The following PDE8A variants were observed in gnomAD, a reference collection of about 807,000 sequenced individuals.
The protein encoded by PDE8A is phosphodiesterase 8A.
In PDE8A, 59 loss-of-function variants were observed where a neutral mutation model predicts 105.0. The observed-to-expected ratio is 0.56, with a 90% CI of 0.46 to 0.70. The LOEUF (loss-of-function observed/expected upper bound fraction) is 0.70. Among genes scored for constraint, PDE8A ranks in the 30% least tolerant of loss-of-function variants. PDE8A has a pLI of 0.00. For synonymous variants in PDE8A, 355 were observed against 371.9 expected, an observed-to-expected ratio of 0.95 and a Z score of 0.52; for missense variants, 1,014 against 1,045.9, an observed-to-expected ratio of 0.97 and a Z score of 0.42.
chr15:85,096,450 C>G (rs767546139), intron 8 of PDE8A, among the ~76,000 whole-genome samples: 1 of 152,076 alleles, frequency 6.6e-6, no homozygotes, highest in Non-Finnish European at 1.5e-5. Context: ...ATGGCGAGAA[C>G]CTGTCTCAAA....
chr15:84,994,964 A>G (rs2142162080), intron 1 of PDE8A, among the ~76,000 whole-genome samples: 1 of 147,932 alleles, frequency 6.8e-6, no homozygotes, highest in East Asian at 2.0e-4. Flanking sequence ...CTCTGTCTCA[A>G]AAAAAAAAAA....
At chr15:85,072,572 A>T (rs1026910352) in intron 3 of PDE8A, among the ~76,000 whole-genome samples, 1 of 152,192 alleles carries the variant, frequency 6.6e-6, no homozygotes, top group Non-Finnish European at 1.5e-5. Context: ...GAATGTGGAC[A>T]TTATGGCTAG....
intron 7 of PDE8A, 51 bp downstream of exon 7, chr15:85,089,467 C>A (rs1415148041): frequency 6.3e-6 from 7 of 1,110,888 alleles, no homozygotes; most frequent in Non-Finnish European, 9.4e-6. Flanking sequence ...TTGCTTTTTC[C>A]AACTTTTAGG....
intron 1 of PDE8A, among the ~76,000 whole-genome samples, chr15:84,993,581 T>A (rs1204296256): frequency 6.7e-6 from 1 of 149,908 alleles, no homozygotes; most frequent in Non-Finnish European, 1.5e-5. Flanking sequence ...ATAACTATAA[T>A]TAAAAACTTT....
rs1174897709 is a variant in PDE8A, at chr15:85,113,939, G to GTGC, written c.1255_1257dup (p.Leu419dup). 2 of 1,613,514 alleles carry GTGC rather than the reference G, an allele frequency of 1.2e-6. No individual in the cohort carries two copies. Among genetic ancestry groups the GTGC allele is most frequent in the Non-Finnish European group, 1.7e-6 (2 of 1,179,504 alleles). Reference sequence around the variant, plus strand: ...GCCTGTGACAGAAGCCCTAGACCGTGTGCTGGAAATTCTAAGAACCACTGA... The same window carrying GTGC: ...GCCTGTGACAGAAGCCCTAGACCGTGTGCTGCTGGAAATTCTAAGAACCACTGA... On this transcript the variant is annotated inframe_insertion, in exon 14 of 22. Coordinates refer to ENST00000394553, the MANE Select transcript of PDE8A (RefSeq NM_002605.3).
At chr15:85,016,053 T>G (rs2080319966) in intron 1 of PDE8A, among the ~76,000 whole-genome samples, 1 of 152,182 alleles carries the variant, frequency 6.6e-6, no homozygotes, top group African/African-American at 2.4e-5. Flanking sequence ...TAACAATCAC[T>G]TGAACCCGGG....
intron 11 of PDE8A, 63 bp downstream of exon 11, chr15:85,100,261 G>T: frequency 7.2e-7 from 1 of 1,392,780 alleles, no homozygotes. Flanking sequence ...AATAAAAACA[G>T]ATCTTTAACT....
intron 20 of PDE8A, among the ~76,000 whole-genome samples, chr15:85,129,563 C>A (rs1170625583): frequency 6.6e-6 from 1 of 152,084 alleles, no homozygotes; most frequent in Non-Finnish European, 1.5e-5. Flanking sequence ...GAGTAATGTT[C>A]CCACTTTCAT....
chr15:85,085,129 C>T (rs1400468147), intron 6 of PDE8A, among the ~76,000 whole-genome samples: 4 of 152,150 alleles, frequency 2.6e-5, no homozygotes, highest in Non-Finnish European at 1.5e-5. Context: ...AGATGAAGTC[C>T]AAACTCCAAA....
intron 11 of PDE8A, among the ~76,000 whole-genome samples, chr15:85,107,089 G>A (rs994581523): frequency 1.3e-5 from 2 of 152,168 alleles, no homozygotes; most frequent in South Asian, 4.1e-4. Context: ...GCACTGTTGG[G>A]GTGGTGTGGA....
At chr15:85,069,648 C>T (rs777720158) in intron 3 of PDE8A, among the ~76,000 whole-genome samples, 4 of 152,128 alleles carry the variant, frequency 2.6e-5, no homozygotes, top group East Asian at 1.9e-4. Flanking sequence ...GCTCCAGAAC[C>T]GAAAAGCTCA....
In PDE8A at chr15:85,123,182, G is replaced by A; in HGVS notation, c.2074G>A (p.Glu692Lys). The change falls in exon 19 of 22, where the codon GAA becomes AAA. Residue 692 changes from glutamate to lysine, a missense_variant. Coordinates refer to ENST00000394553, the MANE Select transcript of PDE8A (RefSeq NM_002605.3). ...NSINKPLATL[E>K]ENGETDKNQE... Reference sequence around the variant, plus strand: ...CATCAACAAACCCTTGGCAACACTAGAAGAAAATGGGGTAAGGGAAACTTA... The same window carrying A: ...CATCAACAAACCCTTGGCAACACTAAAAGAAAATGGGGTAAGGGAAACTTA... 6.2e-7 allele frequency: 1 copy of A among 1,614,020 alleles called. No homozygotes were observed. The highest frequency in any genetic ancestry group is 1.3e-5 in the African/African-American group (1 of 75,026).
rs1202676261 is a variant in PDE8A at position 85,120,809 on chromosome 15, C to T, written c.1747C>T (p.Pro583Ser). The T allele has an allele frequency of 1.9e-6, 3 of 1,602,706 alleles. No homozygotes were observed. Among genetic ancestry groups the T allele is most frequent in the Non-Finnish European group, 2.6e-6 (3 of 1,174,424 alleles). ...SKERIKETLD[P>S]IDEVAALIAA... ...CTCTTGTTTTCAGGAAACTTTAGAT[C>T]CAATTGATGAGGTCGCTGCACTCAT... The change falls in exon 18 of 22, where the codon CCA becomes TCA. Residue 583 changes from proline to serine, a missense_variant. Physicochemically the swap from Pro to Ser is moderately conservative, Grantham distance 74. Transcript: ENST00000394553.
At chr15:85,115,002 G>A (rs1184478097) in intron 14 of PDE8A, among the ~76,000 whole-genome samples, 1 of 152,114 alleles carries the variant, frequency 6.6e-6, no homozygotes, top group African/African-American at 2.4e-5. Flanking sequence ...GGTGAGAGAG[G>A]AGCTAATGTT....
At chr15:85,026,646 G>A (rs1052223907) in intron 1 of PDE8A, among the ~76,000 whole-genome samples, 1 of 152,112 alleles carries the variant, frequency 6.6e-6, no homozygotes, top group African/African-American at 2.4e-5. Context: ...CAAAAGATTT[G>A]TGGCTGTTTT....
At chr15:85,044,785 C>T (rs1273736875) in intron 1 of PDE8A, among the ~76,000 whole-genome samples, 3 of 152,200 alleles carry the variant, frequency 2.0e-5, no homozygotes, top group Admixed American at 6.5e-5. Context: ...AGTTCATTCT[C>T]CATTGGCAGC....
intron 3 of PDE8A, among the ~76,000 whole-genome samples, chr15:85,075,595 C>G (rs573122136): frequency 2.2e-4 from 33 of 152,170 alleles, no homozygotes; most frequent in Non-Finnish European, 3.8e-4. Flanking sequence ...TAACAAAGAT[C>G]AGAACAAGTA....
chr15:85,070,499 G>A (rs373181995), intron 3 of PDE8A, among the ~76,000 whole-genome samples: 15 of 152,322 alleles, frequency 9.8e-5, no homozygotes, highest in African/African-American at 3.6e-4. Flanking sequence ...AGTGTTGTGG[G>A]TGCCTGTGTC....
intron 2 of PDE8A, 110 bp downstream of exon 2, chr15:85,064,536 T>G (rs2081191691): frequency 2.9e-6 from 2 of 692,270 alleles, no homozygotes; most frequent in Non-Finnish European, 5.1e-6. Context: ...TAATAGTGTT[T>G]GGACCAATGT....
Sources: gnomAD v4.1 joint callset for allele counts (sites outside exome capture counted in the v4.1 genomes callset) on GRCh38, gnomAD v4.1.1 for gene constraint, MANE v1.5 for transcripts, NCBI Gene and HGNC (gene_info 2026-07-23, HGNC 2026-07-21) for gene names.